PNPLA6: variants seen among roughly 807,000 people sequenced by gnomAD.
PNPLA6 encodes the protein patatin like domain 6, lysophospholipase, also known as patatin-like phospholipase domain-containing protein 6.
Under a neutral mutation model 153.7 loss-of-function variants are expected in PNPLA6, and 105 were observed. The observed-to-expected ratio is 0.68, with a 90% CI of 0.58 to 0.80. The LOEUF (loss-of-function observed/expected upper bound fraction) is 0.80, where lower values mean the gene tolerates loss of function less well. Among genes scored for constraint, PNPLA6 ranks in the 30% least tolerant of loss-of-function variants. The probability of loss-of-function intolerance (pLI) is 0.00; values close to 1 mark genes in which losing one functional copy is unlikely to be tolerated. For synonymous variants in PNPLA6, 825 were observed against 822.2 expected (o/e 1.00, Z -0.06); for missense variants, 1,423 against 1,919.3 (o/e 0.74, Z 4.83).
Position 7,550,564 on chromosome 19 carries a change from T to C in PNPLA6, c.1994T>C (p.Leu665Pro). The change falls in exon 16 of 32, where the codon CTG (leucine) becomes CCG (proline). Residue 665 changes from leucine to proline, a missense_variant. Coordinates refer to ENST00000600737, the MANE Select transcript of PNPLA6 (RefSeq NM_001166114.2). The stretch of plus-strand genomic sequence containing the variant: ...ACTTACATCGTGCTCAATGGGCGGC[T>C]GCGTAGCGTGATCCAGCGAGGCAGT... ...DCTYIVLNGRLRSVIQRGSGK... is the reference protein window; with the variant it reads ...DCTYIVLNGRPRSVIQRGSGK... 6.2e-7 allele frequency: 1 copy of C among 1,613,260 alleles called. No homozygotes were observed. Among genetic ancestry groups the C allele is most frequent in the South Asian group, 1.1e-5 (1 of 91,072 alleles).
chr19:7,536,647 C>T, intron 3 of PNPLA6, 101 bp downstream of exon 3: 1 of 820,032 alleles, frequency 1.2e-6, no homozygotes, highest in South Asian at 1.4e-5. Flanking sequence ...CCCATATTGG[C>T]TGCGCGCTGT....
rs778476313 is a variant in PNPLA6, at chr19:7,554,682, C to A, written c.2593C>A (p.Leu865Ile). 6.2e-7 allele frequency: 1 copy of A among 1,613,844 alleles called. No individual in the cohort carries two copies. The highest frequency in any genetic ancestry group is 1.1e-5 in the South Asian group (1 of 91,084). The change falls in exon 21 of 32, where the codon CTC becomes ATC. Residue 865 changes from leucine (L) to isoleucine (I), a missense_variant. Leu to Ile is a conservative substitution (Grantham distance 5, BLOSUM62 2). Coordinates refer to ENST00000600737, the MANE Select transcript of PNPLA6 (RefSeq NM_001166114.2). ...CTGCCTGCGACAGGCCGACTGCATC[C>A]TCATTGTGGGCCTGGGGGACCAGGA... ...VRCLRQADCI[L>I]IVGLGDQEPT...
At position 7,554,540 on chromosome 19, in the gene PNPLA6, C is replaced by G. The variant is rs752644597; in HGVS notation, c.2466-15C>G. ...AGGCCAACCCCAGGATGACGCTGCC[C>G]CCTTCCCACCCTAGCATCCAAGAGT... On this transcript the variant is annotated splice_polypyrimidine_tract_variant and intron_variant, in intron 20 of 31. Coordinates refer to ENST00000600737, the MANE Select transcript of PNPLA6 (RefSeq NM_001166114.2). 11 of 1,613,876 alleles carry G rather than the reference C, an allele frequency of 6.8e-6. No individual in the cohort carries two copies. In the South Asian group the frequency reaches 8.8e-5, roughly 13 times the overall value.
chr19:7,547,004 A>T (rs2023412673), intron 13 of PNPLA6, among the ~76,000 whole-genome samples: 2 of 151,902 alleles, frequency 1.3e-5, no homozygotes, highest in South Asian at 2.1e-4. Context: ...TCCTAGGTTC[A>T]AGCAGTTCTC....
upstream of PNPLA6, chr19:7,535,135 G>A: frequency 2.7e-6 from 1 of 367,376 alleles, no homozygotes; most frequent in Non-Finnish European, 5.2e-6. The surrounding 1 kb of genome is among the most constrained non-coding windows in gnomAD (Gnocchi z 5.0). Context: ...AGAGGGCAGT[G>A]ACCCGGGAGG....
rs2023835996 is a variant in PNPLA6, at chr19:7,555,447, G to T, written c.2936+80G>T. 7.4e-7 allele frequency: 1 copy of T among 1,345,052 alleles called. No individual in the cohort carries two copies. The highest frequency in any genetic ancestry group is 1.0e-6 in the Non-Finnish European group (1 of 972,928). The allele number at this position is 1,345,052 out of a possible 1,614,324, so 83.3% of individuals were successfully genotyped here. On this transcript the variant is annotated intron_variant, in intron 23 of 31. Transcript: ENST00000600737. The surrounding 1 kb of genome is among the most constrained non-coding windows in gnomAD (Gnocchi z 6.3). ...TTCCTGGGAGAAACCGTGGGGGCGG[G>T]GCCTGGGTGTTCGAGGGTGGAGCTT...
chr19:7,549,756 G>T, intron 13 of PNPLA6, 151 bp from the exon 14 acceptor site: 1 of 753,610 alleles, frequency 1.3e-6, no homozygotes, highest in South Asian at 1.6e-5. Context: ...CAAAGCGCTG[G>T]GATTACAGCC....
chr19:7,550,505 A>C lies in PNPLA6; in HGVS notation c.1947-12A>C, dbSNP rs1375272722. ...GGGTGGTCAGACCTTGCTGACCTCC[A>C]CGCCCACTCAGGCAGGGCGACCGCT... On this transcript the variant is annotated splice_polypyrimidine_tract_variant and intron_variant, in intron 15 of 31. Coordinates refer to ENST00000600737, the MANE Select transcript of PNPLA6 (RefSeq NM_001166114.2). 6.2e-7 allele frequency: 1 copy of C among 1,612,818 alleles called. No homozygotes were observed. The highest frequency in any genetic ancestry group is 1.3e-5 in the African/African-American group (1 of 74,928).
rs760557592 is a variant in PNPLA6 at position 7,539,918 on chromosome 19, G to C, written c.414G>C (p.Lys138Asn). The C allele has an allele frequency of 6.5e-7, 1 of 1,544,664 alleles. No homozygotes were observed. The highest frequency in any genetic ancestry group is 8.7e-7 in the Non-Finnish European group (1 of 1,147,620). ...CCCGGCACCCCTCCCCTCCCACCAGGATCCTGCGCATCCAGAAAGAGACGC... is the reference window on the plus strand; with the variant it reads ...CCCGGCACCCCTCCCCTCCCACCAGCATCCTGCGCATCCAGAAAGAGACGC... ...KKLKMLNIAKKILRIQKETPT... is the reference protein window; with the variant it reads ...KKLKMLNIAKNILRIQKETPT... The change falls in exon 4 of 32, where the codon AAG becomes AAC. Residue 138 changes from lysine (K) to asparagine (N), a missense_variant and splice_region_variant. Around this residue, in one of 10 missense-constraint regions of PNPLA6, gnomAD observed 74 missense variants for 171.3 expected, o/e 0.43. Transcript: ENST00000600737.
In PNPLA6 at chr19:7,542,665, G is replaced by T. The variant is rs761591000; in HGVS notation, c.1357G>T (p.Ala453Ser). ...EASGGSLAAPARTPTQEPREQ... is the reference protein window; with the variant it reads ...EASGGSLAAPSRTPTQEPREQ... ...CTCCGGGGGGTCCCTGGCAGCCCCC[G>T]CTCGGGTAAGGCTTGGGACCCTGCC... Residue 453 changes from alanine (A) to serine (S), a missense_variant, in exon 11 of 32, where the codon GCT (alanine) becomes TCT (serine). By Grantham distance (99) the Ala-to-Ser change is moderately conservative. Transcript: ENST00000600737. The T allele has an allele frequency of 6.2e-7, 1 of 1,612,766 alleles. No homozygotes were observed. The highest frequency in any genetic ancestry group is 2.2e-5 in the East Asian group (1 of 44,868).
In PNPLA6 at chr19:7,555,427, G is replaced by T; in HGVS notation, c.2936+60G>T. Reference sequence around the variant, plus strand: ...TGGATGTCCGAGGGTGGAGCTTCCTGGGAGAAACCGTGGGGGCGGGGCCTG... The same window carrying T: ...TGGATGTCCGAGGGTGGAGCTTCCTTGGAGAAACCGTGGGGGCGGGGCCTG... On this transcript the variant is annotated intron_variant, in intron 23 of 31. Coordinates refer to ENST00000600737, the MANE Select transcript of PNPLA6 (RefSeq NM_001166114.2). The surrounding 1 kb of genome is among the most constrained non-coding windows in gnomAD (Gnocchi z 6.3). 7.2e-7 allele frequency: 1 copy of T among 1,390,720 alleles called. No homozygotes were observed. Among genetic ancestry groups the T allele is most frequent in the Non-Finnish European group, 9.9e-7 (1 of 1,012,254 alleles). The allele number at this position is 1,390,720 out of a possible 1,614,324, so 86.1% of individuals were successfully genotyped here.
Position 7,550,547 on chromosome 19 carries a change from C to G in PNPLA6, c.1977C>G (p.Ile659Met). The change falls in exon 16 of 32, where the codon ATC becomes ATG. Residue 659 changes from isoleucine to methionine, a missense_variant. Ile to Met is a conservative substitution (Grantham distance 10, BLOSUM62 1). This residue lies in a region of PNPLA6 where 63 missense variants were observed against 166.2 expected (regional missense o/e 0.38). Coordinates refer to ENST00000600737, the MANE Select transcript of PNPLA6 (RefSeq NM_001166114.2). ...RQGDRSDCTY[I>M]VLNGRLRSVI... The stretch of plus-strand genomic sequence containing the variant: ...GCGACCGCTCCGACTGCACTTACAT[C>G]GTGCTCAATGGGCGGCTGCGTAGCG... 6.2e-7 allele frequency: 1 copy of G among 1,613,276 alleles called. No homozygotes were observed. The highest frequency in any genetic ancestry group is 8.5e-7 in the Non-Finnish European group (1 of 1,179,916).
At chr19:7,545,318 C>T (rs549543411) in intron 13 of PNPLA6, among the ~76,000 whole-genome samples, 79 of 152,158 alleles carry the variant, frequency 5.2e-4, no homozygotes, top group Non-Finnish European at 1.0e-4. Context: ...TGATCCTCGG[C>T]ACCTGGCCAC....
intron 3 of PNPLA6, among the ~76,000 whole-genome samples, chr19:7,538,818 A>G (rs1352568077): frequency 6.6e-6 from 1 of 152,222 alleles, no homozygotes; most frequent in Non-Finnish European, 1.5e-5. Flanking sequence ...TGTCAAAGGC[A>G]TACTCACGTT....
chr19:7,550,851 C>CT, intron 16 of PNPLA6, 143 bp from the exon 17 acceptor site: 1 of 897,140 alleles, frequency 1.1e-6, no homozygotes, highest in Non-Finnish European at 1.7e-6. Flanking sequence ...CCCCAGAGCT[C>CT]TAATGGGTAG....
At position 7,540,362 on chromosome 19, in the gene PNPLA6, A is replaced by G. The variant is rs2023074997; in HGVS notation, c.714+54A>G. ...AGGAGGATGGGTGGTGGGGATGGGCAGCAGGCATTGGTCTGTAGAGCTGGT... is the reference window on the plus strand; with the variant it reads ...AGGAGGATGGGTGGTGGGGATGGGCGGCAGGCATTGGTCTGTAGAGCTGGT... On this transcript the variant is annotated intron_variant, in intron 5 of 31. Transcript: ENST00000600737. This position sits in a 1 kb window ranked among gnomAD's most constrained non-coding sequence, Gnocchi z 6.8. The G allele has an allele frequency of 6.4e-7, 1 of 1,556,152 alleles. No individual in the cohort carries two copies. Among genetic ancestry groups the G allele is most frequent in the East Asian group, 2.3e-5 (1 of 44,276 alleles).
Position 7,555,527 on chromosome 19 carries a change from C to T in PNPLA6, c.2937-80C>T. 2 of 1,508,652 alleles carry T rather than the reference C, an allele frequency of 1.3e-6. No individual in the cohort carries two copies. The highest frequency in any genetic ancestry group is 1.8e-6 in the Non-Finnish European group (2 of 1,105,052). The allele number at this position is 1,508,652 out of a possible 1,614,324, so 93.5% of individuals were successfully genotyped here. A position where few individuals can be genotyped will look rare whatever the true frequency, so the allele number is the denominator to read the frequency against. On this transcript the variant is annotated intron_variant, in intron 23 of 31. Transcript: ENST00000600737. This position sits in a 1 kb window ranked among gnomAD's most constrained non-coding sequence, Gnocchi z 6.3. ...GCGGGTCCTTTGTTCCTTAGCAGTG[C>T]GGGAGGTGGGAGGAGGTAGGGGCAG...
rs2022837458 is a variant in PNPLA6 at position 7,535,853 on chromosome 19, G to A, written c.65G>A (p.Gly22Glu). 6.5e-7 allele frequency: 1 copy of A among 1,538,422 alleles called. No homozygotes were observed. The highest frequency in any genetic ancestry group is 8.7e-7 in the Non-Finnish European group (1 of 1,147,480). The change falls in exon 1 of 32, where the codon GGG (glycine) becomes GAG (glutamate). Residue 22 changes from glycine to glutamate, a missense_variant. Transcript: ENST00000600737. The surrounding 1 kb of genome is among the most constrained non-coding windows in gnomAD (Gnocchi z 5.0). ...SSGAKVAERD[G>E]FQDVLAPGEG... ...GGGGCGAAGGTGGCGGAGAGGGATGGGTTCCAGGACGTCCTGGCGCCCGGG... is the reference window on the plus strand; with the variant it reads ...GGGGCGAAGGTGGCGGAGAGGGATGAGTTCCAGGACGTCCTGGCGCCCGGG...
intron 13 of PNPLA6, among the ~76,000 whole-genome samples, chr19:7,547,443 A>G (rs552235656): frequency 7.2e-5 from 11 of 152,268 alleles, no homozygotes; most frequent in African/African-American, 2.2e-4. Flanking sequence ...TTATGTGCCT[A>G]TTGGCCATTT....
Sources: gnomAD v4.1 joint callset for allele counts (sites outside exome capture counted in the v4.1 genomes callset) on GRCh38, gnomAD v4.1.1 for gene constraint, gnomAD v4.1.1 regional missense constraint, Gnocchi (gnomAD v3.1) non-coding constraint, MANE v1.5 for transcripts, NCBI Gene and HGNC (gene_info 2026-07-23, HGNC 2026-07-21) for gene names.